The following DAAM1 variants were observed in gnomAD, a reference collection of about 807,000 sequenced individuals.
DAAM1 encodes the protein dishevelled associated activator of morphogenesis 1.
A neutral mutation model predicts 130.0 loss-of-function variants in DAAM1; 52 were observed. The observed-to-expected ratio is 0.40, with a 90% CI of 0.32 to 0.50. DAAM1 has a LOEUF of 0.50. DAAM1 is among the 20% of genes least tolerant of loss of function. DAAM1 has a pLI of 0.61. For missense variants in DAAM1, 1,134 were observed against 1,303.8 expected, an observed-to-expected ratio of 0.87 and a Z score of 2.01; for synonymous variants, 452 against 444.5, an observed-to-expected ratio of 1.02 and a Z score of -0.21.
Position 59,201,067 on chromosome 14 carries a change from A to G in DAAM1, c.-38+12299A>G, listed in dbSNP as rs373882959. ...TCCCAGCTACTCGGGAGTCTGAGGC[A>G]GGAGAATGGTATGAACCTGGGAGGC... On this transcript the variant is annotated intron_variant, in intron 1 of 24. Transcript: ENST00000360909. Among the ~76,000 whole-genome samples the G allele has an allele frequency of 5.4e-4, 81 of 149,844 alleles. 1 individual carries two copies. In the East Asian group the frequency reaches 0.011, roughly 20 times the overall value.
chr14:59,285,456 A>T (rs910572170), intron 2 of DAAM1, among the ~76,000 whole-genome samples: 5 of 152,188 alleles, frequency 3.3e-5, no homozygotes, highest in Admixed American at 3.3e-4. Context: ...GAATGTAAAC[A>T]GGCTAAATGT....
rs558457242 is a variant in DAAM1 at position 59,234,519 on chromosome 14, T to G, written c.-37-28922T>G. On this transcript the variant is annotated intron_variant, in intron 1 of 24. Coordinates refer to ENST00000360909, the MANE Select transcript of DAAM1 (RefSeq NM_001270520.2). ...TGAAGTTGCTTATCAGCTTAAGGAG[T>G]TTTTGGGCTGAGATGGTGGGGTTTT... Among the ~76,000 whole-genome samples the G allele has an allele frequency of 2.0e-5, 3 of 152,036 alleles. No homozygotes were observed. The South Asian group carries it at 6.2e-4, about 32-fold the overall frequency.
intron 1 of DAAM1, among the ~76,000 whole-genome samples, chr14:59,208,247 GA>G (rs1888323744): frequency 6.6e-6 from 1 of 152,100 alleles, no homozygotes; most frequent in Non-Finnish European, 1.5e-5. Context: ...TGTCCAAGGG[GA>G]CTCCCAGAGA....
At chr14:59,303,763 G>A (rs1884271216) in intron 3 of DAAM1, among the ~76,000 whole-genome samples, 1 of 152,114 alleles carries the variant, frequency 6.6e-6, no homozygotes. Context: ...AGCTGGGCAT[G>A]GTGGCGTGTG....
intron 1 of DAAM1, among the ~76,000 whole-genome samples, chr14:59,248,932 C>T (rs906959749): frequency 2.0e-5 from 3 of 152,114 alleles, no homozygotes; most frequent in South Asian, 2.1e-4. Flanking sequence ...GGACTACAGG[C>T]GCCCACCACC....
intron 24 of DAAM1, among the ~76,000 whole-genome samples, chr14:59,368,065 G>A (rs752488526): frequency 6.6e-6 from 1 of 152,080 alleles, no homozygotes; most frequent in Non-Finnish European, 1.5e-5. Flanking sequence ...TTTTTAAGGT[G>A]TGTTAATACA....
At chr14:59,277,487 T>A (rs1310430365) in intron 2 of DAAM1, among the ~76,000 whole-genome samples, 1 of 151,030 alleles carries the variant, frequency 6.6e-6, no homozygotes, top group Non-Finnish European at 1.5e-5. Context: ...TAAAAAAAAA[T>A]CTTTTCTCCA....
Position 59,352,742 on chromosome 14 carries a change from AGCT to A in DAAM1, c.2267+111_2267+113del, listed in dbSNP as rs889043576. On this transcript the variant is annotated intron_variant, in intron 18 of 24. Transcript: ENST00000360909. Reference sequence around the variant, plus strand: ...GCCAATTAACCTGGCTTAACTTGAAAGCTTTTTCATTCTAAAAATCTTCTCAAG... The same window carrying A: ...GCCAATTAACCTGGCTTAACTTGAAATTTTCATTCTAAAAATCTTCTCAAG... 2.0e-5 allele frequency: 18 copies of A among 917,824 alleles called. No homozygotes were observed. The African/African-American group carries it at 2.9e-4, about 15-fold the overall frequency. 56.9% of individuals were successfully genotyped at this position (917,824 alleles called of 1,614,324 possible).
At chr14:59,220,085 T>C (rs1410690911) in intron 1 of DAAM1, among the ~76,000 whole-genome samples, 3 of 152,134 alleles carry the variant, frequency 2.0e-5, no homozygotes, top group Non-Finnish European at 4.4e-5. Flanking sequence ...GTTGTTTTGG[T>C]TTCAGTTCTT....
chr14:59,216,962 T>G (rs2139420700), intron 1 of DAAM1, among the ~76,000 whole-genome samples: 1 of 152,220 alleles, frequency 6.6e-6, no homozygotes, highest in Non-Finnish European at 1.5e-5. Flanking sequence ...GCTTGAAAGT[T>G]GAGAGACAAT....
chr14:59,331,637 A>ATAGT (rs1885446153), intron 14 of DAAM1, 129 bp downstream of exon 14: 1 of 1,506,424 alleles, frequency 6.6e-7, no homozygotes, highest in Non-Finnish European at 8.9e-7. Flanking sequence ...AGTTCTCACT[A>ATAGT]GCTCAGATAT....
chr14:59,363,766 CAG>C lies in DAAM1; in HGVS notation c.2812_2813del (p.Glu938SerfsTer2). 1 of 1,613,980 alleles carries C rather than the reference CAG, an allele frequency of 6.2e-7. No individual in the cohort carries two copies. The highest frequency in any genetic ancestry group is 8.5e-7 in the Non-Finnish European group (1 of 1,179,966). On this transcript the variant is annotated frameshift_variant, in exon 23 of 25. Coordinates refer to ENST00000360909, the MANE Select transcript of DAAM1 (RefSeq NM_001270520.2). LOFTEE classifies it high-confidence loss of function. ...TTCTCTGATGTTGAAGACCTTCTAG[CAG>C]AAGCTAAAGACCTGGTAAGTTTCCC...
intron 16 of DAAM1, among the ~76,000 whole-genome samples, chr14:59,342,657 C>T (rs566887478): frequency 6.6e-6 from 1 of 152,262 alleles, no homozygotes; most frequent in Admixed American, 6.5e-5. Flanking sequence ...GTTAAGATAA[C>T]GTTGCTGCCT....
At chr14:59,313,270 C>T (rs1884661938) in intron 3 of DAAM1, among the ~76,000 whole-genome samples, 1 of 152,120 alleles carries the variant, frequency 6.6e-6, no homozygotes, top group South Asian at 2.1e-4. Flanking sequence ...AGATACATTG[C>T]CCAAATTAAG....
intron 2 of DAAM1, among the ~76,000 whole-genome samples, chr14:59,281,835 T>C (rs1313868255): frequency 6.6e-6 from 1 of 152,160 alleles, no homozygotes; most frequent in Non-Finnish European, 1.5e-5. Flanking sequence ...TCAGCCATAT[T>C]ATGAAATCAA....
chr14:59,338,481 T>TTCGTTATC, intron 15 of DAAM1: 1 of 1,563,740 alleles, frequency 6.4e-7, no homozygotes, highest in Non-Finnish European at 8.8e-7. Flanking sequence ...TTGAAATCTC[T>TTCGTTATC]TCGTTATCCA....
intron 1 of DAAM1, among the ~76,000 whole-genome samples, chr14:59,212,400 A>G (rs770629574): frequency 1.3e-5 from 2 of 152,236 alleles, no homozygotes; most frequent in Non-Finnish European, 2.9e-5. Flanking sequence ...GTTTTGAAGC[A>G]CATATTATGG....
intron 2 of DAAM1, among the ~76,000 whole-genome samples, chr14:59,276,409 T>C (rs1046399538): frequency 3.9e-5 from 6 of 152,180 alleles, no homozygotes; most frequent in African/African-American, 1.4e-4. Flanking sequence ...TTCCCCTTGA[T>C]GTTGTACTAT....
At chr14:59,314,394 T>G (rs1884706500) in intron 3 of DAAM1, among the ~76,000 whole-genome samples, 1 of 152,148 alleles carries the variant, frequency 6.6e-6, no homozygotes, top group Non-Finnish European at 1.5e-5. Context: ...GATGTGCAAA[T>G]ACGCATAGAA....
Sources: allele counts gnomAD v4.1 joint callset (sites outside exome capture counted in the v4.1 genomes callset), GRCh38; gene constraint gnomAD v4.1.1; transcripts MANE v1.5; gene names NCBI Gene and HGNC (gene_info 2026-07-23, HGNC 2026-07-21).